Variants in RNLS observed in about 807,000 individuals in gnomAD.
RNLS encodes the protein renalase, FAD dependent amine oxidase, also known as renalase.
Under a neutral mutation model 39.8 loss-of-function variants are expected in RNLS, and 39 were observed. That is an observed-to-expected ratio of 0.98 (90% CI 0.76 to 1.28). RNLS has a LOEUF of 1.28. Ranked by LOEUF, RNLS falls within the 50% of genes most tolerant of loss-of-function variation. The pLI is 0.00. For missense variants in RNLS, 410 were observed against 413.3 expected (o/e 0.99, Z 0.07); for synonymous variants, 147 against 150.7 (o/e 0.98, Z 0.18).
chr10:88,450,880 A>C (rs1842323139), intron 4 of RNLS, among the ~76,000 whole-genome samples: 1 of 152,130 alleles, frequency 6.6e-6, no homozygotes. Context: ...CAAACAGGAG[A>C]GGTTAGGATA....
chr10:88,300,045 A>T (rs1031953882), intron 6 of RNLS, among the ~76,000 whole-genome samples: 1 of 152,230 alleles, frequency 6.6e-6, no homozygotes, highest in African/African-American at 2.4e-5. Context: ...GAACTCAAAA[A>T]ATTACTGCAG....
chr10:88,172,839 G>GTTTTTTTTT, the RNLS span, among the ~76,000 whole-genome samples: 21 of 31,500 alleles, frequency 6.7e-4, no homozygotes, highest in Admixed American at 2.0e-3. Context: ...TGCATTTTGA[G>GTTTTTTTTT]TTGTTTTTTT....
intron 3 of RNLS, among the ~76,000 whole-genome samples, chr10:88,575,144 A>ATG (rs1240676265): frequency 3.0e-5 from 1 of 33,790 alleles, no homozygotes; most frequent in Non-Finnish European, 4.4e-5. Context: ...ATATATATAT[A>ATG]TATATATATA....
At chr10:88,424,913 A>C (rs1854641370) in intron 4 of RNLS, among the ~76,000 whole-genome samples, 1 of 152,132 alleles carries the variant, frequency 6.6e-6, no homozygotes, top group African/African-American at 2.4e-5. Context: ...TTTTTTCTTC[A>C]TCTACATTTT....
In RNLS at chr10:88,442,594, C is replaced by A. The variant is rs187786266; in HGVS notation, c.527-79869G>T. Among the ~76,000 whole-genome samples, 25 of 152,180 alleles carry A rather than the reference C, an allele frequency of 1.6e-4. No individual in the cohort carries two copies. In the South Asian group the frequency reaches 4.4e-3, roughly 27 times the overall value. Reference sequence around the variant, plus strand: ...TTATTTTACAGGTCTCTGCTGACCACACTTTTCTTACCTCTCTCACCCCTG... The same window carrying A: ...TTATTTTACAGGTCTCTGCTGACCAAACTTTTCTTACCTCTCTCACCCCTG... On this transcript the variant is annotated intron_variant, in intron 4 of 6. Coordinates refer to ENST00000331772, the MANE Select transcript of RNLS (RefSeq NM_001031709.3).
chr10:88,354,154 C>T (rs1848955628), intron 5 of RNLS, among the ~76,000 whole-genome samples: 1 of 152,140 alleles, frequency 6.6e-6, no homozygotes, highest in African/African-American at 2.4e-5. Flanking sequence ...ACTGATGGGT[C>T]TTGACTCTTT....
Position 88,421,085 on chromosome 10 carries a change from A to T in RNLS, c.527-58360T>A, listed in dbSNP as rs533871536. Among the ~76,000 whole-genome samples the T allele has an allele frequency of 2.0e-5, 3 of 152,352 alleles. No homozygotes were observed. The South Asian group carries it at 6.2e-4, about 32-fold the overall frequency. The stretch of plus-strand genomic sequence containing the variant: ...AAAAGTATCAGTTCCTTGGGAGATG[A>T]GAGGCTGCAGGAACAAGCCTATCAC... On this transcript the variant is annotated intron_variant, in intron 4 of 6. Transcript: ENST00000331772.
chr10:88,355,592 C>A (rs946863807), intron 5 of RNLS, among the ~76,000 whole-genome samples: 3 of 152,144 alleles, frequency 2.0e-5, no homozygotes, highest in Admixed American at 1.3e-4. Context: ...CAGCAGGATA[C>A]CTGGCCGTGT....
intron 4 of RNLS, among the ~76,000 whole-genome samples, chr10:88,462,702 G>A (rs2133944178): frequency 6.6e-6 from 1 of 152,048 alleles, no homozygotes; most frequent in East Asian, 1.9e-4. Flanking sequence ...ATAATAACCT[G>A]CCTGTGGGGA....
intron 6 of RNLS, among the ~76,000 whole-genome samples, chr10:88,299,677 T>C (rs1589491944): frequency 6.6e-6 from 1 of 152,210 alleles, no homozygotes; most frequent in East Asian, 1.9e-4. Context: ...TTCTCTTATG[T>C]TTTCATCTAG....
chr10:88,491,267 G>A (rs180849794), intron 4 of RNLS, among the ~76,000 whole-genome samples: 2 of 152,134 alleles, frequency 1.3e-5, no homozygotes, highest in East Asian at 3.9e-4. Context: ...GAGAGGAAAA[G>A]GTACTGGATT....
intron 4 of RNLS, among the ~76,000 whole-genome samples, chr10:88,446,138 C>G (rs1031634335): frequency 6.6e-6 from 1 of 152,138 alleles, no homozygotes; most frequent in African/African-American, 2.4e-5. Flanking sequence ...TGCAATCAAA[C>G]TAGAACTCAG....
At chr10:88,205,672 G>A in the RNLS span, among the ~76,000 whole-genome samples, 1 of 152,144 alleles carries the variant, frequency 6.6e-6, no homozygotes, top group Non-Finnish European at 1.5e-5. Flanking sequence ...AGTTTTAACT[G>A]TTGACTTGCT....
At position 88,509,275 on chromosome 10, in the gene RNLS, T is replaced by G. The variant is rs1845958699; in HGVS notation, c.526+63628A>C. Among the ~76,000 whole-genome samples the G allele has an allele frequency of 2.0e-5, 3 of 152,196 alleles. No homozygotes were observed. In the South Asian group the frequency reaches 6.2e-4, roughly 32 times the overall value. On this transcript the variant is annotated intron_variant, in intron 4 of 6. Transcript: ENST00000331772. The stretch of plus-strand genomic sequence containing the variant: ...AAAGACAGGCAACTGTTGCACATTA[T>G]CCTAAATGAGGGACAGAATTGCACT...
At chr10:88,530,163 T>C (rs1168795261) in intron 4 of RNLS, among the ~76,000 whole-genome samples, 1 of 152,150 alleles carries the variant, frequency 6.6e-6, no homozygotes, top group African/African-American at 2.4e-5. Context: ...TATCTCCAAA[T>C]TGATATCCTC....
chr10:88,489,291 C>T (rs1344345091), intron 4 of RNLS, among the ~76,000 whole-genome samples: 1 of 152,138 alleles, frequency 6.6e-6, no homozygotes, highest in African/African-American at 2.4e-5. Context: ...TAGTAAGTGT[C>T]CTCTCACTCC....
rs114411899 is a variant in RNLS at position 88,399,322 on chromosome 10, A to G, written c.527-36597T>C. 6.9e-3 allele frequency among the ~76,000 whole-genome samples: 1,048 copies of G among 152,182 alleles called. 15 individuals carry two copies. Among genetic ancestry groups the G allele is most frequent in the African/African-American group, 0.024 (987 of 41,570 alleles). On this transcript the variant is annotated intron_variant, in intron 4 of 6. Coordinates refer to ENST00000331772, the MANE Select transcript of RNLS (RefSeq NM_001031709.3). The stretch of plus-strand genomic sequence containing the variant: ...GAAATGTTCAGACAGAAACTTGTAC[A>G]TGAATGTTCGTAAAATTTTTATAGC...
At chr10:88,310,568 AT>A (rs1845281655) in intron 6 of RNLS, among the ~76,000 whole-genome samples, 1 of 152,060 alleles carries the variant, frequency 6.6e-6, no homozygotes, top group African/African-American at 2.4e-5. Context: ...AAGCAGGAGG[AT>A]CACTTCAGGC....
chr10:88,355,135 T>G (rs187631072), intron 5 of RNLS, among the ~76,000 whole-genome samples: 10 of 152,352 alleles, frequency 6.6e-5, no homozygotes, highest in African/African-American at 2.2e-4. Context: ...TTCAAGGTTT[T>G]TAACTTCTTC....
Sources: gnomAD v4.1 joint callset for allele counts (sites outside exome capture counted in the v4.1 genomes callset) on GRCh38, gnomAD v4.1.1 for gene constraint, MANE v1.5 for transcripts, NCBI Gene and HGNC (gene_info 2026-07-23, HGNC 2026-07-21) for gene names.